The following MDGA2 variants were observed in gnomAD, a reference collection of about 807,000 sequenced individuals.
MDGA2 encodes MAM domain-containing glycosylphosphatidylinositol anchor protein 2.
Under a neutral mutation model 117.8 loss-of-function variants are expected in MDGA2, and 40 were observed. That is an observed-to-expected ratio of 0.34 (90% confidence interval 0.26 to 0.44). The LOEUF (loss-of-function observed/expected upper bound fraction) is 0.44, where lower values mean the gene tolerates loss of function less well. MDGA2 is among the 20% of genes least tolerant of loss of function. MDGA2 has a pLI of 1.00. For missense variants in MDGA2, 1,123 were observed against 1,250.6 expected (o/e 0.90, Z 1.54); for synonymous variants, 452 against 439.0 (o/e 1.03, Z -0.37).
At chr14:47,102,791 G>A (rs975030130) in intron 5 of MDGA2, among the ~76,000 whole-genome samples, 3 of 152,106 alleles carry the variant, frequency 2.0e-5, no homozygotes, top group Non-Finnish European at 2.9e-5. Flanking sequence ...CTCATGCCCT[G>A]GTCGAACACA....
At chr14:47,398,183 G>A in intron 1 of MDGA2, among the ~76,000 whole-genome samples, 1 of 152,232 alleles carries the variant, frequency 6.6e-6, no homozygotes, top group Non-Finnish European at 1.5e-5. Flanking sequence ...TCAATTAACT[G>A]CCTGAGCCCA....
rs754244091 is a variant in MDGA2, at chr14:47,217,988, G to A, written c.595+33C>T. On this transcript the variant is annotated intron_variant, in intron 3 of 16. Transcript: ENST00000399232. ...GTAAGACAAAAGAAATCCATAATAG[G>A]CTTAATTATAGTTTTCTGGAAAATT... The A allele has an allele frequency of 4.1e-5, 60 of 1,460,358 alleles. No homozygotes were observed. In the South Asian group the frequency reaches 7.6e-4, roughly 18 times the overall value. The allele number at this position is 1,460,358 out of a possible 1,614,324, so 90.5% of individuals were successfully genotyped here.
intron 8 of MDGA2, among the ~76,000 whole-genome samples, chr14:46,987,333 T>C (rs1000451556): frequency 6.6e-6 from 1 of 152,102 alleles, no homozygotes; most frequent in African/African-American, 2.4e-5. Flanking sequence ...CAAAATATTT[T>C]GTGATTTGCC....
chr14:47,136,893 C>G (rs1376829345), intron 4 of MDGA2, among the ~76,000 whole-genome samples: 4 of 152,110 alleles, frequency 2.6e-5, no homozygotes, highest in Non-Finnish European at 1.5e-5. Flanking sequence ...ATTTATGAAG[C>G]TGCATTTGGG....
intron 1 of MDGA2, among the ~76,000 whole-genome samples, chr14:47,651,539 T>C (rs1490675922): frequency 6.6e-6 from 1 of 152,076 alleles, no homozygotes; most frequent in Non-Finnish European, 1.5e-5. Context: ...GAGAAACCAC[T>C]GAATGGCTTT....
intron 1 of MDGA2, among the ~76,000 whole-genome samples, chr14:47,656,438 T>C (rs921695274): frequency 6.6e-6 from 1 of 152,148 alleles, no homozygotes. Context: ...GCCCCACTAA[T>C]GGGTGCCTTC....
At chr14:47,660,381 A>C (rs1287498789) in intron 1 of MDGA2, among the ~76,000 whole-genome samples, 1 of 152,234 alleles carries the variant, frequency 6.6e-6, no homozygotes, top group Non-Finnish European at 1.5e-5. Context: ...GTTATACTAT[A>C]GGACACAATA....
intron 15 of MDGA2, among the ~76,000 whole-genome samples, chr14:46,847,323 T>C (rs903500582): frequency 6.6e-6 from 1 of 152,130 alleles, no homozygotes; most frequent in Non-Finnish European, 1.5e-5. Flanking sequence ...AAGATAAGCA[T>C]GTTCTTAAAG....
rs137939217 is a variant in MDGA2, at chr14:47,133,207, G to A, written c.793-1361C>T. Reference sequence around the variant, plus strand: ...CTTACAAGAAAATATAAATGTATCCGATACAAGTATACACATAAATCTATA... The same window carrying A: ...CTTACAAGAAAATATAAATGTATCCAATACAAGTATACACATAAATCTATA... On this transcript the variant is annotated intron_variant, in intron 4 of 16. Transcript: ENST00000399232. Among the ~76,000 whole-genome samples, 189 of 151,366 alleles carry A rather than the reference G, an allele frequency of 1.2e-3. 1 individual carries two copies. Among genetic ancestry groups the A allele is most frequent in the African/African-American group, 4.2e-3 (174 of 41,350 alleles).
At chr14:46,930,926 C>T (rs1196272024) in intron 9 of MDGA2, among the ~76,000 whole-genome samples, 1 of 151,936 alleles carries the variant, frequency 6.6e-6, no homozygotes, top group East Asian at 1.9e-4. Flanking sequence ...TTAAAAATCT[C>T]AAAATCTGGG....
intron 1 of MDGA2, among the ~76,000 whole-genome samples, chr14:47,354,225 T>A (rs1890944315): frequency 6.6e-6 from 1 of 152,178 alleles, no homozygotes; most frequent in African/African-American, 2.4e-5. Context: ...ATTTTTCTTC[T>A]AAGATTCAGT....
chr14:47,017,929 T>A (rs955458023), intron 8 of MDGA2, among the ~76,000 whole-genome samples: 1 of 152,136 alleles, frequency 6.6e-6, no homozygotes, highest in Non-Finnish European at 1.5e-5. Context: ...AATTTTAGAC[T>A]TAATATTTCT....
intron 8 of MDGA2, among the ~76,000 whole-genome samples, chr14:46,964,508 C>A (rs1417232505): frequency 2.0e-5 from 3 of 152,174 alleles, no homozygotes; most frequent in Non-Finnish European, 2.9e-5. Flanking sequence ...GAAGGAAACT[C>A]ATAGGGGAAG....
At chr14:46,919,681 C>T (rs911903147) in intron 10 of MDGA2, among the ~76,000 whole-genome samples, 5 of 152,222 alleles carry the variant, frequency 3.3e-5, no homozygotes, top group Admixed American at 3.3e-4. Flanking sequence ...GTGAGCACAT[C>T]TGAAATAAGT....
chr14:46,962,481 A>G (rs1885850873), intron 8 of MDGA2, among the ~76,000 whole-genome samples: 1 of 152,196 alleles, frequency 6.6e-6, no homozygotes. Flanking sequence ...CCTTGCCCAA[A>G]GATGCCATCA....
chr14:47,097,889 G>A (rs1057155166), intron 5 of MDGA2, among the ~76,000 whole-genome samples: 1 of 151,874 alleles, frequency 6.6e-6, no homozygotes, highest in African/African-American at 2.4e-5. Context: ...AAAATACAAA[G>A]ATAAACATTC....
intron 1 of MDGA2, among the ~76,000 whole-genome samples, chr14:47,614,251 C>T (rs960537566): frequency 4.0e-5 from 6 of 151,454 alleles, no homozygotes; most frequent in African/African-American, 1.5e-4. Context: ...CATCATGTTG[C>T]GCTAATTTTT....
In MDGA2 at chr14:47,381,452, T is replaced by C. The variant is rs536431220; in HGVS notation, c.281-79902A>G. On this transcript the variant is annotated intron_variant, in intron 1 of 16. Transcript: ENST00000399232. ...GTTTGCAGATGACATGATTGTATAT[T>C]TAGAAAACCCCATCGTCTCAGCCCA... Among the ~76,000 whole-genome samples the C allele has an allele frequency of 2.2e-4, 33 of 152,192 alleles. No homozygotes were observed. In the South Asian group the frequency reaches 6.2e-3, roughly 29 times the overall value.
At chr14:47,428,332 G>T (rs1021474129) in intron 1 of MDGA2, among the ~76,000 whole-genome samples, 6 of 152,010 alleles carry the variant, frequency 3.9e-5, no homozygotes, top group Admixed American at 3.9e-4. Context: ...TGTTGCTGTG[G>T]CTTGCTTTCA....
Sources: gnomAD v4.1 joint callset for allele counts (sites outside exome capture counted in the v4.1 genomes callset) on GRCh38, gnomAD v4.1.1 for gene constraint, MANE v1.5 for transcripts, NCBI Gene and HGNC (gene_info 2026-07-23, HGNC 2026-07-21) for gene names.